Variants in OLFM1 observed in about 807,000 individuals in gnomAD.
OLFM1 encodes the protein olfactomedin 1, also known as noelin.
Under a neutral mutation model 49.7 loss-of-function variants are expected in OLFM1, and 9 were observed. The observed-to-expected ratio is 0.18, with a 90% CI of 0.11 to 0.32. The LOEUF is 0.32. Among genes scored for constraint, OLFM1 ranks in the 10% least tolerant of loss-of-function variants. OLFM1 has a pLI of 1.00. For missense variants in OLFM1, 369 were observed against 661.8 expected (o/e 0.56, Z 4.85); for synonymous variants, 240 against 271.8 (o/e 0.88, Z 1.15).
intron 5 of OLFM1, among the ~76,000 whole-genome samples, chr9:135,109,756 AG>A (rs1398733779): frequency 6.6e-6 from 1 of 151,974 alleles, no homozygotes; most frequent in Admixed American, 6.6e-5. Context: ...GCTTCAGTGC[AG>A]GCTGCCACGG....
chr9:135,076,540 G>A, intron 1 of OLFM1: 1 of 1,198,228 alleles, frequency 8.3e-7, no homozygotes, highest in Non-Finnish European at 1.1e-6. Context: ...GCAGGTCTTG[G>A]GGGAGGAGAA....
Position 135,087,947 on chromosome 9 carries a change from C to A in OLFM1, c.-43C>A. 7.3e-7 allele frequency: 1 copy of A among 1,372,196 alleles called. No individual in the cohort carries two copies. The allele number at this position is 1,372,196 out of a possible 1,614,324, so 85.0% of individuals were successfully genotyped here. A position where few individuals can be genotyped will look rare whatever the true frequency, so the allele number is the denominator to read the frequency against. ...CTGAAGGCCGCCTGGGCGCGGGAGC[C>A]GGTGCCAGCTCGGAGCGGGCGCTGG... On this transcript the variant is annotated 5_prime_UTR_variant, in exon 1 of 6. Transcript: ENST00000371793.
Position 135,119,852 on chromosome 9 carries a change from G to A in OLFM1, c.1132G>A (p.Val378Met). The A allele has an allele frequency of 4.3e-6, 7 of 1,613,702 alleles. No individual in the cohort carries two copies. The highest frequency in any genetic ancestry group is 1.1e-5 in the South Asian group (1 of 91,090). Residue 378 changes from valine to methionine, a missense_variant, in exon 6 of 6, where the codon GTG becomes ATG. Coordinates refer to ENST00000371793, the MANE Select transcript of OLFM1 (RefSeq NM_001282611.2). ...YATNQNAGNI[V>M]VSRLDPVSLQ... ...CACCAACCAGAACGCTGGCAACATC[G>A]TGGTCAGTAGGCTGGACCCCGTGTC...
intron 5 of OLFM1, among the ~76,000 whole-genome samples, chr9:135,115,639 C>T (rs1461880602): frequency 3.3e-5 from 5 of 152,242 alleles, no homozygotes; most frequent in Admixed American, 6.5e-5. Flanking sequence ...CAGCACTTTC[C>T]CCACTTCCCA....
At chr9:135,108,903 C>G (rs1479706169) in intron 5 of OLFM1, among the ~76,000 whole-genome samples, 1 of 152,116 alleles carries the variant, frequency 6.6e-6, no homozygotes, top group Non-Finnish European at 1.5e-5. Flanking sequence ...CACTGACACT[C>G]CAAGCCGAGT....
intron 4 of OLFM1, among the ~76,000 whole-genome samples, chr9:135,100,767 G>GGGTAATTCATGGAAT (rs1428504294): frequency 6.6e-6 from 1 of 152,144 alleles, no homozygotes; most frequent in Non-Finnish European, 1.5e-5. Flanking sequence ...CTGAGCTCTG[G>GGGTAATTCATGGAAT]GGTAATTCAT....
chr9:135,104,794 G>T (rs1281528721), intron 4 of OLFM1, among the ~76,000 whole-genome samples: 1 of 152,164 alleles, frequency 6.6e-6, no homozygotes, highest in Non-Finnish European at 1.5e-5. Flanking sequence ...CCCAGCCATG[G>T]CTCCTCCCTC....
rs1034697170 is a variant in OLFM1, at chr9:135,088,903, G to C, written c.150+764G>C. On this transcript the variant is annotated intron_variant, in intron 1 of 5. Coordinates refer to ENST00000371793, the MANE Select transcript of OLFM1 (RefSeq NM_001282611.2). The surrounding 1 kb of genome is among the most constrained non-coding windows in gnomAD (Gnocchi z 4.8). Reference sequence around the variant, plus strand: ...GCCTAGCGGGAGGGGAACCGTGGCCGGGGCTGCTTCTGGGCAGAGCTGACT... The same window carrying C: ...GCCTAGCGGGAGGGGAACCGTGGCCCGGGCTGCTTCTGGGCAGAGCTGACT... Among the ~76,000 whole-genome samples the C allele has an allele frequency of 1.3e-5, 2 of 152,206 alleles. No individual in the cohort carries two copies. The highest frequency in any genetic ancestry group is 1.3e-4 in the Admixed American group (2 of 15,278).
At chr9:135,101,281 G>C (rs760434480) in intron 4 of OLFM1, among the ~76,000 whole-genome samples, 7 of 152,150 alleles carry the variant, frequency 4.6e-5, no homozygotes, top group Non-Finnish European at 1.0e-4. Flanking sequence ...TGGTGTGCCT[G>C]CTGTTCCTGC....
At chr9:135,083,971 G>A (rs1416026702), upstream of OLFM1, among the ~76,000 whole-genome samples, 1 of 152,252 alleles carries the variant, frequency 6.6e-6, no homozygotes, top group Non-Finnish European at 1.5e-5. Flanking sequence ...CAGGCACAGG[G>A]AGCCGGGCCA....
At chr9:135,081,213 C>T (rs1344325387) in intron 1 of OLFM1, among the ~76,000 whole-genome samples, 2 of 152,156 alleles carry the variant, frequency 1.3e-5, no homozygotes, top group South Asian at 2.1e-4. Context: ...TATGTGATGA[C>T]CCCAGATGGT....
intron 2 of OLFM1, among the ~76,000 whole-genome samples, chr9:135,095,462 A>G (rs1830775475): frequency 1.3e-5 from 2 of 151,006 alleles, no homozygotes; most frequent in African/African-American, 2.4e-5. Flanking sequence ...TGCTTGCCTA[A>G]CTAATGTTGT....
At chr9:135,084,878 G>T (rs943893119), upstream of OLFM1, among the ~76,000 whole-genome samples, 1 of 152,158 alleles carries the variant, frequency 6.6e-6, no homozygotes, top group Admixed American at 6.6e-5. The surrounding 1 kb of genome is among the most constrained non-coding windows in gnomAD (Gnocchi z 4.6). Flanking sequence ...TCGTCTGACT[G>T]TGGGTGTTGG....
At chr9:135,118,398 GGAGT>G (rs1831126946) in intron 5 of OLFM1, among the ~76,000 whole-genome samples, 7 of 120,526 alleles carry the variant, frequency 5.8e-5, no homozygotes, top group African/African-American at 9.4e-5. Flanking sequence ...CTGGGTCTTT[GGAGT>G]GCTCGCTGTG....
chr9:135,107,545 C>A (rs988857161), intron 5 of OLFM1, among the ~76,000 whole-genome samples: 16 of 152,122 alleles, frequency 1.1e-4, no homozygotes, highest in African/African-American at 3.9e-4. Flanking sequence ...GCCCCAGACC[C>A]CTGTATACAG....
At chr9:135,085,020 C>T (rs565135913), upstream of OLFM1, among the ~76,000 whole-genome samples, 1 of 152,332 alleles carries the variant, frequency 6.6e-6, no homozygotes, top group African/African-American at 2.4e-5. Flanking sequence ...CTCACACTTG[C>T]GTCTTCTGAG....
chr9:135,087,937 G>A lies in OLFM1; in HGVS notation c.-53G>A, dbSNP rs1412023059. The A allele has an allele frequency of 1.5e-6, 2 of 1,346,886 alleles. No homozygotes were observed. Among genetic ancestry groups the A allele is most frequent in the Non-Finnish European group, 1.9e-6 (2 of 1,037,760 alleles). 83.4% of individuals were successfully genotyped at this position (1,346,886 alleles called of 1,614,324 possible). On this transcript the variant is annotated 5_prime_UTR_variant, in exon 1 of 6. Transcript: ENST00000371793. ...TGCCCGCCGCCTGAAGGCCGCCTGG[G>A]CGCGGGAGCCGGTGCCAGCTCGGAG... is the stretch of plus-strand genomic sequence containing the variant.
chr9:135,120,086 C>G lies in OLFM1; in HGVS notation c.1366C>G (p.Pro456Ala). The G allele has an allele frequency of 6.2e-7, 1 of 1,614,106 alleles. No individual in the cohort carries two copies. Residue 456 changes from proline (P) to alanine (A), a missense_variant, in exon 6 of 6, where the codon CCC becomes GCC. Pro to Ala is a conservative substitution (Grantham distance 27). This residue lies in a region of OLFM1 where 294 missense variants were observed against 567.5 expected (regional missense o/e 0.52). Coordinates refer to ENST00000371793, the MANE Select transcript of OLFM1 (RefSeq NM_001282611.2). ...CCACATCTCCATGCTGGACTACAAC[C>G]CCAAGGACCGGGCCCTGTATGCCTG... The part of the protein sequence containing the change: ...YSHISMLDYN[P>A]KDRALYAWNN...
chr9:135,120,162 G>A lies in OLFM1; in HGVS notation c.1442G>A (p.Arg481His), dbSNP rs115852241. 7.0e-4 allele frequency: 1,121 copies of A among 1,610,068 alleles called. 6 individuals are homozygous for A. The highest frequency in any genetic ancestry group is 2.1e-4 in the Non-Finnish European group (252 of 1,177,824). Residue 481 changes from arginine (R) to histidine (H), a missense_variant, in exon 6 of 6, where the codon CGC becomes CAC. Arg to His is a conservative substitution (Grantham distance 29). Transcript: ENST00000371793. ...AACGTGACCCTCTTCCACGTCATCCGCTCCGACGAGTTGTAGCTCCCTCCT... is the reference window on the plus strand; with the variant it reads ...AACGTGACCCTCTTCCACGTCATCCACTCCGACGAGTTGTAGCTCCCTCCT... Reference protein sequence around the residue: ...LYNVTLFHVIRSDEL With the variant: ...LYNVTLFHVIHSDEL
Sources: gnomAD v4.1 joint callset for allele counts (sites outside exome capture counted in the v4.1 genomes callset) on GRCh38, gnomAD v4.1.1 for gene constraint, gnomAD v4.1.1 regional missense constraint, Gnocchi (gnomAD v3.1) non-coding constraint, MANE v1.5 for transcripts, NCBI Gene and HGNC (gene_info 2026-07-23, HGNC 2026-07-21) for gene names.